The following ZNF695 variants were observed in gnomAD, a reference collection of about 807,000 sequenced individuals.
The protein encoded by ZNF695 is zinc finger protein 695.
ZNF695 carries 11 observed loss-of-function variants against 11.2 expected under a neutral mutation model. That is an observed-to-expected ratio of 0.98 (90% CI 0.62 to 1.62). The LOEUF is 1.62. Ranked by LOEUF, ZNF695 falls within the 40% of genes most tolerant of loss-of-function variation. The probability of loss-of-function intolerance (pLI) is 0.00; values close to 1 mark genes in which losing one functional copy is unlikely to be tolerated. For synonymous variants in ZNF695, 190 were observed against 201.4 expected (o/e 0.94, Z 0.48); for missense variants, 559 against 590.5 (o/e 0.95, Z 0.55).
At chr1:246,990,225 A>G (rs1028893168) in intron 3 of ZNF695, among the ~76,000 whole-genome samples, 2 of 152,066 alleles carry the variant, frequency 1.3e-5, no homozygotes, top group Admixed American at 1.3e-4. Context: ...AAGACACTTT[A>G]CCTATAAAAA....
chr1:247,001,206 G>A (rs540038706), intron 1 of ZNF695, among the ~76,000 whole-genome samples: 1 of 151,886 alleles, frequency 6.6e-6, no homozygotes, highest in Non-Finnish European at 1.5e-5. Flanking sequence ...AAAATCTGTC[G>A]AGCAATCAGA....
intron 4 of ZNF695, among the ~76,000 whole-genome samples, chr1:246,974,346 G>C (rs1330176583): frequency 6.6e-6 from 1 of 152,138 alleles, no homozygotes; most frequent in Non-Finnish European, 1.5e-5. Context: ...CAGATCTCTG[G>C]TCTAGGATTC....
chr1:246,964,715 AC>A (rs1668243469), intron 5 of ZNF695, among the ~76,000 whole-genome samples: 1 of 152,144 alleles, frequency 6.6e-6, no homozygotes, highest in East Asian at 1.9e-4. Context: ...TACTAAAAAT[AC>A]AAAAATTATC....
At chr1:246,996,768 C>T (rs1198526520) in intron 3 of ZNF695, among the ~76,000 whole-genome samples, 4 of 152,078 alleles carry the variant, frequency 2.6e-5, no homozygotes, top group Non-Finnish European at 5.9e-5. Context: ...TGAAGTAACC[C>T]AGTCACAAAA....
downstream of ZNF695, among the ~76,000 whole-genome samples, chr1:246,982,235 A>G (rs1668727061): frequency 7.1e-6 from 1 of 141,422 alleles, no homozygotes; most frequent in East Asian, 2.2e-4. Flanking sequence ...GCGCCATTGC[A>G]CTCCAGCCTG....
rs1432458166 is a variant in ZNF695, at chr1:247,008,022, G to C, written c.-114C>G. On this transcript the variant is annotated 5_prime_UTR_variant, in exon 1 of 4. Transcript: ENST00000339986. ...GGGACTCTCCGAGAGGCAGCAGACG[G>C]GAACCCAGCACCCCGCCGGCCGCAA... The C allele has an allele frequency of 1.6e-6, 2 of 1,236,692 alleles. No individual in the cohort carries two copies. Among genetic ancestry groups the C allele is most frequent in the South Asian group, 4.7e-5 (2 of 42,402 alleles). 76.6% of individuals were successfully genotyped at this position (1,236,692 alleles called of 1,614,324 possible).
intron 4 of ZNF695, among the ~76,000 whole-genome samples, chr1:246,975,178 A>G (rs1157583189): frequency 6.6e-6 from 1 of 152,216 alleles, no homozygotes; most frequent in Admixed American, 6.5e-5. Context: ...GTCATTCACC[A>G]TATAAACCAA....
intron 3 of ZNF695, among the ~76,000 whole-genome samples, chr1:246,994,732 G>A (rs1355866579): frequency 1.3e-5 from 2 of 152,042 alleles, no homozygotes; most frequent in African/African-American, 4.8e-5. Flanking sequence ...AGCTACTCGG[G>A]AGGCTGAGGC....
rs546050633 is a variant in ZNF695 at position 246,946,879 on chromosome 1, C to T, written c.489-1052G>A. On this transcript the variant is annotated intron_variant, in intron 5 of 5. Coordinates refer to the ZNF695 transcript ENST00000487338. ...AGAGTAGGCTGTGCGCGGTGGCACA[C>T]GCCTGTAATCCCAGCACTTTGGAAG... Among the ~76,000 whole-genome samples, 22 of 152,268 alleles carry T rather than the reference C, an allele frequency of 1.4e-4. No homozygotes were observed. In the South Asian group the frequency reaches 4.3e-3, roughly 30 times the overall value.
At chr1:246,949,535 G>C (rs1667820257) in intron 5 of ZNF695, among the ~76,000 whole-genome samples, 1 of 150,768 alleles carries the variant, frequency 6.6e-6, no homozygotes, top group Non-Finnish European at 1.5e-5. Flanking sequence ...AGGTTGCAGT[G>C]AGCCGAGATC....
intron 5 of ZNF695, among the ~76,000 whole-genome samples, chr1:246,946,163 C>G (rs576768785): frequency 5.3e-4 from 80 of 152,260 alleles, no homozygotes; most frequent in Non-Finnish European, 9.7e-4. Flanking sequence ...ATCATCCTCC[C>G]GCCGCTGCAT....
chr1:246,967,828 TAC>T (rs1030676749), intron 4 of ZNF695: 1 of 309,994 alleles, frequency 3.2e-6, no homozygotes, highest in Admixed American at 4.1e-5. Flanking sequence ...GGAAATGCTA[TAC>T]ACTTTTAAAC....
At chr1:246,977,570 A>C (rs1468539217) in intron 4 of ZNF695, among the ~76,000 whole-genome samples, 8 of 152,272 alleles carry the variant, frequency 5.3e-5, no homozygotes, top group East Asian at 3.9e-4. Context: ...AAGTTTTTAA[A>C]AGTCTTTTAG....
intron 3 of ZNF695, among the ~76,000 whole-genome samples, chr1:246,997,408 C>A (rs1669243759): frequency 6.6e-6 from 1 of 151,636 alleles, no homozygotes; most frequent in South Asian, 2.1e-4. Context: ...GAGGCTGAGG[C>A]AGGATAATCT....
At chr1:246,965,610 G>A (rs1209780618) in intron 5 of ZNF695, among the ~76,000 whole-genome samples, 1 of 151,986 alleles carries the variant, frequency 6.6e-6, no homozygotes, top group Non-Finnish European at 1.5e-5. Context: ...GGTCGTGTGT[G>A]CCTGTAGCCC....
Position 246,999,950 on chromosome 1 carries a change from A to C in ZNF695, c.128T>G (p.Leu43Arg). ...MLENYRNLIS[L>R]GEDSFNMQFL... ...TTGCATATTGAAGCTATCCTCACCA[A>C]GGGAGATCAGGTTTCTGTAGTTCTC... is the stretch of plus-strand genomic sequence containing the variant. The change falls in exon 2 of 4, where the codon CTT becomes CGT. Residue 43 changes from leucine to arginine, a missense_variant. Physicochemically the swap from Leu to Arg is moderately radical, Grantham distance 102 (BLOSUM62 -2). Transcript: ENST00000339986. The C allele has an allele frequency of 6.2e-7, 1 of 1,614,206 alleles. No individual in the cohort carries two copies.
intron 1 of ZNF695, among the ~76,000 whole-genome samples, chr1:247,001,162 T>G (rs571199482): frequency 6.6e-6 from 1 of 152,102 alleles, no homozygotes; most frequent in Non-Finnish European, 1.5e-5. Flanking sequence ...TCACATACAG[T>G]GACACCCATA....
chr1:246,978,585 G>A (rs892118220), intron 4 of ZNF695, among the ~76,000 whole-genome samples: 1 of 152,196 alleles, frequency 6.6e-6, no homozygotes, highest in African/African-American at 2.4e-5. Flanking sequence ...GAGTCGGTCA[G>A]ACCTATTTTT....
downstream of ZNF695, among the ~76,000 whole-genome samples, chr1:246,984,413 C>T (rs1668795709): frequency 6.6e-6 from 1 of 152,010 alleles, no homozygotes; most frequent in Non-Finnish European, 1.5e-5. Flanking sequence ...GTCAGTTGTG[C>T]AGCCTGGGTA....
Sources: gnomAD v4.1 joint callset for allele counts (sites outside exome capture counted in the v4.1 genomes callset) on GRCh38, gnomAD v4.1.1 for gene constraint, MANE v1.5 for transcripts, NCBI Gene and HGNC (gene_info 2026-07-23, HGNC 2026-07-21) for gene names.